IL16: variants seen among roughly 807,000 people sequenced by gnomAD.
The protein encoded by IL16 is pro-interleukin-16.
A neutral mutation model predicts 110.1 loss-of-function variants in IL16; 67 were observed. That is an observed-to-expected ratio of 0.61 (90% CI 0.50 to 0.75). The LOEUF is 0.75. Among genes scored for constraint, IL16 ranks in the 30% least tolerant of loss-of-function variants. The pLI is 0.00. For missense variants in IL16, 1,545 were observed against 1,655.0 expected (o/e 0.93, Z 1.15); for synonymous variants, 689 against 662.9 (o/e 1.04, Z -0.61).
intron 1 of IL16, among the ~76,000 whole-genome samples, chr15:81,222,852 G>A (rs1450021971): frequency 1.3e-5 from 2 of 152,022 alleles, no homozygotes; most frequent in South Asian, 4.2e-4. Flanking sequence ...AAAGAAGTTT[G>A]GACATATTAA....
chr15:81,246,421 T>C (rs1215394958), intron 2 of IL16, among the ~76,000 whole-genome samples: 2 of 152,240 alleles, frequency 1.3e-5, no homozygotes, highest in East Asian at 3.8e-4. Flanking sequence ...ATAAAATGAA[T>C]ACATACACTT....
chr15:81,281,967 T>C (rs1358643482), intron 8 of IL16, among the ~76,000 whole-genome samples: 1 of 152,206 alleles, frequency 6.6e-6, no homozygotes, highest in African/African-American at 2.4e-5. Context: ...TTCATAAAAA[T>C]AGGAATGAGA....
At chr15:81,259,923 G>A (rs773812226) in intron 3 of IL16, 43 bp downstream of exon 3, 10 of 1,237,742 alleles carry the variant, frequency 8.1e-6, no homozygotes, top group African/African-American at 1.5e-5. Flanking sequence ...GAGCTCAGCT[G>A]TTCCTGGATA....
chr15:81,246,971 A>G (rs185413237), intron 2 of IL16, among the ~76,000 whole-genome samples: 83 of 151,662 alleles, frequency 5.5e-4, no homozygotes, highest in African/African-American at 2.0e-3. Flanking sequence ...TTTATGCTAT[A>G]CAGTTATTTG....
chr15:81,292,717 G>A lies in IL16; in HGVS notation c.1582G>A (p.Gly528Ser), dbSNP rs756994227. 6.2e-7 allele frequency: 1 copy of A among 1,614,164 alleles called. No individual in the cohort carries two copies. The highest frequency in any genetic ancestry group is 1.1e-5 in the South Asian group (1 of 91,074). ...GTCCCCAGGGGGAAGTCCTGGGAGT[G>A]GCAGTGCTGAGAAGCCGTCCTCTGA... Reference protein sequence around the residue: ...SGSPGGSPGSGSAEKPSSDVD... With the variant: ...SGSPGGSPGSSSAEKPSSDVD... Residue 528 changes from glycine (G) to serine (S), a missense_variant, in exon 12 of 19, where the codon GGC (glycine) becomes AGC (serine). By Grantham distance (56) the Gly-to-Ser change is moderately conservative (BLOSUM62 0). Coordinates refer to ENST00000683961, the MANE Select transcript of IL16 (RefSeq NM_172217.5).
At chr15:81,276,064 T>C (rs59342351) in intron 6 of IL16, among the ~76,000 whole-genome samples, 4,142 of 152,318 alleles carry the variant, frequency 0.027, 186 homozygotes, top group African/African-American at 0.095. Context: ...ATGGACATTC[T>C]GAATTTTTGT....
chr15:81,237,938 T>C (rs942332769), intron 2 of IL16, among the ~76,000 whole-genome samples: 23 of 152,140 alleles, frequency 1.5e-4, no homozygotes, highest in African/African-American at 5.3e-4. Context: ...GGAGTCTTGC[T>C]CTGTCACCCA....
At chr15:81,288,829 A>ATGTGTGTGTGTGTGTGTG (rs149894902) in intron 10 of IL16, among the ~76,000 whole-genome samples, 8 of 140,864 alleles carry the variant, frequency 5.7e-5, no homozygotes, top group African/African-American at 2.0e-4. Flanking sequence ...TAGTATGTGT[A>ATGTGTGTGTGTGTGTGTG]TGTGTGTGTG....
chr15:81,288,048 C>T (rs756315040), intron 10 of IL16, among the ~76,000 whole-genome samples: 3 of 152,196 alleles, frequency 2.0e-5, no homozygotes, highest in Admixed American at 6.5e-5. Context: ...ATGGGACACA[C>T]ACAGAGAGGC....
At chr15:81,222,745 GACACACACAC>G (rs71718505) in intron 1 of IL16, among the ~76,000 whole-genome samples, 25 of 148,376 alleles carry the variant, frequency 1.7e-4, no homozygotes, top group African/African-American at 5.6e-4. Flanking sequence ...CACACTCACA[GACACACACAC>G]ACACACACAC....
chr15:81,229,358 G>A (rs1363811460), intron 2 of IL16, among the ~76,000 whole-genome samples: 1 of 152,098 alleles, frequency 6.6e-6, no homozygotes, highest in African/African-American at 2.4e-5. Context: ...GTGGTAAGAG[G>A]TGGGAATGGG....
intron 1 of IL16, among the ~76,000 whole-genome samples, chr15:81,207,038 C>A (rs1445511850): frequency 1.3e-5 from 2 of 151,722 alleles, no homozygotes; most frequent in African/African-American, 4.9e-5. Context: ...TCAAGACCAT[C>A]CTGGCTAACA....
chr15:81,258,680 C>T (rs1354044423), intron 2 of IL16, among the ~76,000 whole-genome samples: 10 of 152,162 alleles, frequency 6.6e-5, no homozygotes, highest in Non-Finnish European at 1.2e-4. Flanking sequence ...AGCCAGACAA[C>T]AGAGCACCAC....
In IL16 at chr15:81,296,876, A is replaced by T. The variant is rs1324004397; in HGVS notation, c.1903-52A>T. 6 of 1,513,174 alleles carry T rather than the reference A, an allele frequency of 4.0e-6. No individual in the cohort carries two copies. In the African/African-American group the frequency reaches 8.4e-5, roughly 21 times the overall value. 93.7% of individuals were successfully genotyped at this position (1,513,174 alleles called of 1,614,324 possible). ...CAATCAAAGCGTGTCTCGCCTTCTC[A>T]CAGCTTGAGGCTACCGTTTTGACAT... is the stretch of plus-strand genomic sequence containing the variant. On this transcript the variant is annotated intron_variant, in intron 12 of 18. Transcript: ENST00000683961.
chr15:81,240,398 G>T (rs1335922148), intron 2 of IL16, among the ~76,000 whole-genome samples: 1 of 151,754 alleles, frequency 6.6e-6, no homozygotes. Context: ...GAGTCAAAGG[G>T]TATGGGAATT....
chr15:81,204,801 C>T lies in IL16; in HGVS notation c.-102+7649C>T, dbSNP rs77022713. On this transcript the variant is annotated intron_variant, in intron 1 of 18. Coordinates refer to ENST00000683961, the MANE Select transcript of IL16 (RefSeq NM_172217.5). Reference sequence around the variant, plus strand: ...TTTGGAAGGCATTGGAAGCAGCCTGCACCAAGTCCTGGAAGCTAGAGAGCG... The same window carrying T: ...TTTGGAAGGCATTGGAAGCAGCCTGTACCAAGTCCTGGAAGCTAGAGAGCG... Among the ~76,000 whole-genome samples, 1,294 of 150,718 alleles carry T rather than the reference C, an allele frequency of 8.6e-3. 24 individuals are homozygous for T. The highest frequency in any genetic ancestry group is 0.03 in the African/African-American group (1,231 of 40,800).
intron 2 of IL16, among the ~76,000 whole-genome samples, chr15:81,246,911 G>T (rs1438196999): frequency 6.6e-6 from 1 of 151,806 alleles, no homozygotes; most frequent in Non-Finnish European, 1.5e-5. Context: ...AGTTGATTTT[G>T]ATACAGTTTA....
intron 2 of IL16, among the ~76,000 whole-genome samples, chr15:81,228,165 G>A (rs185599491): frequency 1.2e-4 from 18 of 152,236 alleles, no homozygotes; most frequent in African/African-American, 3.9e-4. Flanking sequence ...AGGTGAGCAC[G>A]TCTATCACTC....
chr15:81,254,465 A>G (rs1325978225), intron 2 of IL16, among the ~76,000 whole-genome samples: 1 of 152,088 alleles, frequency 6.6e-6, no homozygotes, highest in Non-Finnish European at 1.5e-5. Context: ...CACATGACCA[A>G]TCCTAACTTT....
Sources: allele counts gnomAD v4.1 joint callset (sites outside exome capture counted in the v4.1 genomes callset), GRCh38; gene constraint gnomAD v4.1.1; transcripts MANE v1.5; gene names NCBI Gene and HGNC (gene_info 2026-07-23, HGNC 2026-07-21).